HPD: variants seen among roughly 807,000 people sequenced by gnomAD.
The protein encoded by HPD is 4-hydroxyphenylpyruvate dioxygenase.
In HPD, 35 loss-of-function variants were observed where a neutral mutation model predicts 56.9. The observed-to-expected ratio is 0.62, with a 90% CI of 0.47 to 0.82. The LOEUF (loss-of-function observed/expected upper bound fraction) is 0.82. Ranked by LOEUF, HPD falls within the 40% of genes least tolerant of loss-of-function variation. The pLI is 0.00. For synonymous variants in HPD, 186 were observed against 200.2 expected (o/e 0.93, Z 0.60); for missense variants, 442 against 506.8 (o/e 0.87, Z 1.23).
In HPD at chr12:121,839,939, TTG is replaced by T; in HGVS notation, c.1062_1063del (p.His354GlnfsTer26). On this transcript the variant is annotated frameshift_variant, in exon 13 of 14. Coordinates refer to ENST00000289004, the MANE Select transcript of HPD (RefSeq NM_002150.3). LOFTEE classifies it high-confidence loss of function. The stretch of plus-strand genomic sequence containing the variant: ...GCCGGGGACAAGCAGTACCTGGTGG[TTG>T]TGGCGCTGGATGACTTCCAGGAAGA... 1.2e-6 allele frequency: 2 copies of T among 1,613,506 alleles called. No homozygotes were observed. Among genetic ancestry groups the T allele is most frequent in the Non-Finnish European group, 1.7e-6 (2 of 1,179,474 alleles).
chr12:121,845,458 G>C (rs1341802150), intron 11 of HPD, among the ~76,000 whole-genome samples: 1 of 140,764 alleles, frequency 7.1e-6, no homozygotes, highest in Middle Eastern at 3.4e-3. Flanking sequence ...AACATTAGCT[G>C]GGCGTGGTGG....
chr12:121,849,905 A>C (rs1877710175), intron 7 of HPD, 115 bp from the exon 8 acceptor site: 1 of 713,432 alleles, frequency 1.4e-6, no homozygotes, highest in Non-Finnish European at 2.6e-6. Context: ...GACCCTAACC[A>C]GATGCGTGAT....
chr12:121,878,672 C>T, the HPD span, among the ~76,000 whole-genome samples: 7 of 146,268 alleles, frequency 4.8e-5, no homozygotes, highest in South Asian at 2.2e-4. Context: ...TTTGGTTTTT[C>T]GTTCTTTTTT....
In HPD at chr12:121,857,379, G is replaced by T. The variant is rs769331934; in HGVS notation, c.147C>A (p.Gly49=). Residue 49 remains glycine, a synonymous_variant, in exon 4 of 14, where the codon GGC becomes GGA. Coordinates refer to ENST00000289004, the MANE Select transcript of HPD (RefSeq NM_002150.3). ...CCACCTCCCGGGAACCGGTCTCCAG[G>T]CCCCTGTAGGCTAGAGGTTCAAAGC... The part of the protein sequence containing the change: ...KMGFEPLAYR[G]LETGSREVVS... The T allele has an allele frequency of 2.0e-5, 32 of 1,614,002 alleles. No individual in the cohort carries two copies. The African/African-American group carries it at 2.1e-4, about 11-fold the overall frequency.
upstream of HPD, among the ~76,000 whole-genome samples, chr12:121,859,382 T>C (rs1020480714): frequency 3.3e-5 from 5 of 151,972 alleles, no homozygotes; most frequent in Admixed American, 6.6e-5. Context: ...GAGAATAGTG[T>C]GGTGGGGATT....
At position 121,847,198 on chromosome 12, in the gene HPD, G is replaced by A. The variant is rs762267460; in HGVS notation, c.613C>T (p.Gln205Ter). The change falls in exon 10 of 14, where the codon CAG becomes TAG. Residue 205 changes from glutamine to a stop codon, truncating the protein, a stop_gained. Coordinates refer to ENST00000289004, the MANE Select transcript of HPD (RefSeq NM_002150.3). LOFTEE classifies it high-confidence loss of function. ...TCCACGGACCAGAAGCGGTGGAACT[G>A]CAGGTTTTTCAGGTACCTGTAGGGT... ...SASEWYLKNLQFHRFWSVDDT... is the reference protein window; with the variant it reads ...SASEWYLKNL 6 of 1,614,038 alleles carry A rather than the reference G, an allele frequency of 3.7e-6. No homozygotes were observed. Among genetic ancestry groups the A allele is most frequent in the Non-Finnish European group, 8.5e-7 (1 of 1,180,030 alleles).
At chr12:121,857,503 C>T in intron 3 of HPD, 71 bp from the exon 4 acceptor site, 2 of 1,194,848 alleles carry the variant, frequency 1.7e-6, no homozygotes, top group Non-Finnish European at 2.5e-6. Flanking sequence ...GCAAGAGAGC[C>T]CCTGGCCCCC....
At position 121,857,441 on chromosome 12, in the gene HPD, C is replaced by G. The variant is rs780609772; in HGVS notation, c.94-9G>C. ...CAGTAGAATGACGTGGCCTGAATCA[C>G]AGGGTTGCAGCAGGGTTCATGAGGG... On this transcript the variant is annotated splice_polypyrimidine_tract_variant and intron_variant, in intron 3 of 13. Coordinates refer to ENST00000289004, the MANE Select transcript of HPD (RefSeq NM_002150.3). The G allele has an allele frequency of 1.3e-6, 2 of 1,590,712 alleles. No homozygotes were observed. Among genetic ancestry groups the G allele is most frequent in the African/African-American group, 2.7e-5 (2 of 74,394 alleles).
chr12:121,864,923 T>G (rs181660660), upstream of HPD, among the ~76,000 whole-genome samples: 1 of 152,096 alleles, frequency 6.6e-6, no homozygotes, highest in East Asian at 1.9e-4. Flanking sequence ...TTAATTCCCA[T>G]CCTCAATTTT....
chr12:121,861,920 C>T (rs946701732), upstream of HPD, among the ~76,000 whole-genome samples: 2 of 151,964 alleles, frequency 1.3e-5, no homozygotes, highest in African/African-American at 4.8e-5. Context: ...TGCAAGGGGA[C>T]GGTTGCTTGA....
chr12:121,851,806 T>C (rs1261018897), intron 7 of HPD, among the ~76,000 whole-genome samples: 1,702 of 21,770 alleles, frequency 0.078, 709 homozygotes, highest in Non-Finnish European at 0.094. Flanking sequence ...GCCTCCCGGG[T>C]TCACGCCATT....
rs374690828 is a variant in HPD at position 121,849,759 on chromosome 12, T to C, written c.446A>G (p.Lys149Arg). The change falls in exon 8 of 14, where the codon AAG becomes AGG. Residue 149 changes from lysine (K) to arginine (R), a missense_variant. Physicochemically the swap from Lys to Arg is conservative, Grantham distance 26 (BLOSUM62 2). Coordinates refer to ENST00000289004, the MANE Select transcript of HPD (RefSeq NM_002150.3). ...CAAGAATTGGCCGATGTAGTTCATCTTCTCCACCAGGGTGTGTGTGGTGTC... is the reference window on the plus strand; with the variant it reads ...CAAGAATTGGCCGATGTAGTTCATCCTCTCCACCAGGGTGTGTGTGGTGTC... ...YGDTTHTLVE[K>R]MNYIGQFLPG... 17 of 1,613,820 alleles carry C rather than the reference T, an allele frequency of 1.1e-5. No individual in the cohort carries two copies. In the African/African-American group the frequency reaches 2.3e-4, roughly 22 times the overall value.
intron 7 of HPD, among the ~76,000 whole-genome samples, chr12:121,852,418 C>G (rs963163267): frequency 2.6e-5 from 4 of 152,072 alleles, no homozygotes; most frequent in Non-Finnish European, 5.9e-5. Context: ...GATCCTCCTG[C>G]CTCAGCCTCC....
At position 121,847,160 on chromosome 12, in the gene HPD, C is replaced by T. The variant is rs1223177274; in HGVS notation, c.651G>A (p.Val217=). 1.2e-6 allele frequency: 2 copies of T among 1,614,000 alleles called. No homozygotes were observed. Among genetic ancestry groups the T allele is most frequent in the East Asian group, 2.2e-5 (1 of 44,894 alleles). ...HRFWSVDDTQ[V]HTEYSSLRSI... is the part of the protein sequence containing the mutation. The stretch of plus-strand genomic sequence containing the variant: ...ATCGCAGAGAGCTATATTCCGTGTG[C>T]ACCTGCGTGTCATCCACGGACCAGA... The change falls in exon 10 of 14, where the codon GTG becomes GTA. Residue 217 remains valine, a synonymous_variant. Coordinates refer to ENST00000289004, the MANE Select transcript of HPD (RefSeq NM_002150.3).
upstream of HPD, among the ~76,000 whole-genome samples, chr12:121,865,827 TAAAA>T (rs1212665169): frequency 6.6e-6 from 1 of 150,558 alleles, no homozygotes; most frequent in Admixed American, 6.7e-5. Flanking sequence ...CCATCTCTAC[TAAAA>T]AAATAAAAAG....
At chr12:121,856,245 G>T in intron 6 of HPD, 79 bp downstream of exon 6, 1 of 1,060,554 alleles carries the variant, frequency 9.4e-7, no homozygotes, top group Non-Finnish European at 1.5e-6. Flanking sequence ...ATGCAGCAGT[G>T]TCCTTCCAGC....
intron 9 of HPD, 36 bp from the exon 10 acceptor site, chr12:121,847,250 C>A (rs557915082): frequency 1.2e-6 from 2 of 1,609,548 alleles, no homozygotes; most frequent in South Asian, 1.1e-5. Flanking sequence ...ATGCTCTGAG[C>A]GCCTCCAGGG....
rs1877645905 is a variant in HPD at position 121,848,097 on chromosome 12, AG to A, written c.597-884del. 1.3e-5 allele frequency among the ~76,000 whole-genome samples: 2 copies of A among 152,094 alleles called. 1 individual carries two copies. Among genetic ancestry groups the A allele is most frequent in the South Asian group, 4.2e-4 (2 of 4,784 alleles). On this transcript the variant is annotated intron_variant, in intron 9 of 13. Coordinates refer to ENST00000289004, the MANE Select transcript of HPD (RefSeq NM_002150.3). ...AAAGGCCCTTGCTTGGAATTTGGAC[AG>A]GGGGCTCTCTGGGTGGTGGCAACCT...
At chr12:121,875,253 A>G in the HPD span, among the ~76,000 whole-genome samples, 1 of 152,208 alleles carries the variant, frequency 6.6e-6, no homozygotes, top group Non-Finnish European at 1.5e-5. Flanking sequence ...ACAGTCAATG[A>G]GGGAAAAAAC....
Sources: gnomAD v4.1 joint callset for allele counts (sites outside exome capture counted in the v4.1 genomes callset) on GRCh38, gnomAD v4.1.1 for gene constraint, MANE v1.5 for transcripts, NCBI Gene and HGNC (gene_info 2026-07-23, HGNC 2026-07-21) for gene names.